PIGB: variants seen among roughly 807,000 people sequenced by gnomAD.
PIGB encodes GPI alpha-1,2-mannosyltransferase 3.
A neutral mutation model predicts 68.4 loss-of-function variants in PIGB; 58 were observed. The ratio of observed to expected loss-of-function variants is 0.85; its 90% CI spans 0.69 to 1.06. PIGB has a LOEUF of 1.06. Among genes scored for constraint, PIGB ranks in the 50% least tolerant of loss-of-function variants. The pLI is 0.00. For missense variants in PIGB, 634 were observed against 655.8 expected, an observed-to-expected ratio of 0.97 and a Z score of 0.36; for synonymous variants, 219 against 220.5, an observed-to-expected ratio of 0.99 and a Z score of 0.06.
intron 10 of PIGB, among the ~76,000 whole-genome samples, chr15:55,354,398 T>C (rs28653717): frequency 0.17 from 26,499 of 151,954 alleles, 3,933 homozygotes; most frequent in African/African-American, 0.41. Flanking sequence ...CTGATTATGA[T>C]CACAGTTTCC....
At chr15:55,348,540 GTTCTCCTTATATT>G (rs1313225216) in intron 9 of PIGB, 6 of 152,820 alleles carry the variant, frequency 3.9e-5, no homozygotes, top group African/African-American at 1.4e-4. Flanking sequence ...TAGTAAGTGA[GTTCTCCTTATATT>G]AGGTTCCATG....
chr15:55,350,493 C>T (rs1343963427), intron 9 of PIGB: 1 of 573,722 alleles, frequency 1.7e-6, no homozygotes, highest in African/African-American at 1.9e-5. Context: ...TCCACTATAC[C>T]TCAATACCTT....
intron 5 of PIGB, among the ~76,000 whole-genome samples, chr15:55,332,416 G>A (rs2055438509): frequency 6.7e-6 from 1 of 150,370 alleles, no homozygotes; most frequent in Non-Finnish European, 1.5e-5. Flanking sequence ...TGTTGCCCAG[G>A]CTAGAGTGCA....
chr15:55,322,815 T>C (rs1166381460), intron 3 of PIGB, among the ~76,000 whole-genome samples: 3 of 152,218 alleles, frequency 2.0e-5, no homozygotes. Context: ...AGCCGCAACC[T>C]GGCTTTTCTT....
intron 9 of PIGB, 160 bp from the exon 10 acceptor site, chr15:55,350,539 G>T: frequency 1.6e-6 from 1 of 617,882 alleles, no homozygotes; most frequent in South Asian, 2.0e-5. Flanking sequence ...TGACAGTAGT[G>T]AATGGTGAAT....
At chr15:55,331,029 G>T (rs2055401156) in intron 5 of PIGB, among the ~76,000 whole-genome samples, 1 of 152,218 alleles carries the variant, frequency 6.6e-6, no homozygotes, top group South Asian at 2.1e-4. Flanking sequence ...ATCCAAGGCA[G>T]TTTTGGGGAA....
chr15:55,327,317 A>T (rs2141172201), intron 3 of PIGB, among the ~76,000 whole-genome samples: 1 of 151,074 alleles, frequency 6.6e-6, no homozygotes, highest in African/African-American at 2.4e-5. Flanking sequence ...GGTAAAACTT[A>T]AAACTACATT....
chr15:55,340,900 C>G, intron 8 of PIGB, 77 bp downstream of exon 8: 1 of 1,007,998 alleles, frequency 9.9e-7, no homozygotes, highest in Non-Finnish European at 1.4e-6. Context: ...AAAAAGTAAA[C>G]TTTATGTTTT....
chr15:55,326,302 G>T (rs1289568454), intron 3 of PIGB, among the ~76,000 whole-genome samples: 1 of 151,768 alleles, frequency 6.6e-6, no homozygotes, highest in South Asian at 2.1e-4. Flanking sequence ...CTATATTGCA[G>T]GATAGAGAAG....
chr15:55,351,108 TTC>T (rs2055911403), intron 10 of PIGB, among the ~76,000 whole-genome samples, 196 bp downstream of exon 10: 1 of 140,070 alleles, frequency 7.1e-6, no homozygotes, highest in South Asian at 2.2e-4. Flanking sequence ...TAAACTTTTT[TTC>T]TTTTTTTTTT....
At chr15:55,323,927 G>A (rs563072756) in intron 3 of PIGB, among the ~76,000 whole-genome samples, 19 of 152,120 alleles carry the variant, frequency 1.2e-4, no homozygotes, top group Admixed American at 1.2e-3. Flanking sequence ...TCACTCTGTC[G>A]CCCAGGCTGG....
intron 3 of PIGB, chr15:55,324,867 C>G: frequency 2.1e-6 from 2 of 930,240 alleles, no homozygotes; most frequent in Non-Finnish European, 2.6e-6. Flanking sequence ...CTGTATTTTA[C>G]AGGGCACAGT....
At chr15:55,340,476 AT>A in intron 7 of PIGB, 135 bp from the exon 8 acceptor site, 1 of 511,968 alleles carries the variant, frequency 2.0e-6, no homozygotes, top group Non-Finnish European at 3.3e-6. Context: ...AAAAAAAAAA[AT>A]TATTAATGTA....
At position 55,320,214 on chromosome 15, in the gene PIGB, T is replaced by C. The variant is rs942991984; in HGVS notation, c.164-61T>C. The C allele has an allele frequency of 2.0e-5, 31 of 1,545,204 alleles. No individual in the cohort carries two copies. The African/African-American group carries it at 4.2e-4, about 21-fold the overall frequency. ...GCCAACCAGAGCAGCAGATTTTAAGTTTTGCAAGTGGAACTGCCTGACTTT... is the reference window on the plus strand; with the variant it reads ...GCCAACCAGAGCAGCAGATTTTAAGCTTTGCAAGTGGAACTGCCTGACTTT... On this transcript the variant is annotated intron_variant, in intron 1 of 11. Transcript: ENST00000164305.
intron 10 of PIGB, among the ~76,000 whole-genome samples, chr15:55,353,114 A>C (rs1253506688): frequency 1.3e-5 from 2 of 152,198 alleles, no homozygotes; most frequent in Non-Finnish European, 2.9e-5. Flanking sequence ...ATGTACCAAG[A>C]TGTTCTTTAT....
chr15:55,352,238 C>T (rs970296604), intron 10 of PIGB, among the ~76,000 whole-genome samples: 23 of 152,002 alleles, frequency 1.5e-4, no homozygotes, highest in African/African-American at 5.3e-4. Flanking sequence ...CGTGAGCCAC[C>T]GCACCCGGCC....
intron 9 of PIGB, among the ~76,000 whole-genome samples, chr15:55,348,126 A>C (rs2055842239): frequency 6.6e-6 from 1 of 151,612 alleles, no homozygotes; most frequent in Non-Finnish European, 1.5e-5. Context: ...AGCTGGGACT[A>C]CAGGCATGCG....
intron 9 of PIGB, among the ~76,000 whole-genome samples, chr15:55,347,253 C>G (rs893140368): frequency 1.3e-5 from 2 of 152,146 alleles, no homozygotes; most frequent in African/African-American, 4.8e-5. Context: ...TGGTGAAACC[C>G]CATCTCTACT....
At chr15:55,320,570 T>C (rs1168370247) in intron 2 of PIGB, among the ~76,000 whole-genome samples, 160 bp downstream of exon 2, 1 of 152,188 alleles carries the variant, frequency 6.6e-6, no homozygotes, top group Admixed American at 6.5e-5. Context: ...CCAAACTCTA[T>C]ATATATTGTT....
Sources: allele counts gnomAD v4.1 joint callset (sites outside exome capture counted in the v4.1 genomes callset), GRCh38; gene constraint gnomAD v4.1.1; transcripts MANE v1.5; gene names NCBI Gene and HGNC (gene_info 2026-07-23, HGNC 2026-07-21).